Variants in PSEN1 observed in about 807,000 individuals in gnomAD.
PSEN1 encodes presenilin 1.
A neutral mutation model predicts 53.5 loss-of-function variants in PSEN1; 15 were observed. The observed-to-expected ratio is 0.28, with a 90% CI of 0.19 to 0.43. PSEN1 has a LOEUF of 0.43. Ranked by LOEUF, PSEN1 falls within the 20% of genes least tolerant of loss-of-function variation. The probability of loss-of-function intolerance (pLI) is 1.00; values close to 1 mark genes in which losing one functional copy is unlikely to be tolerated. For missense variants in PSEN1, 387 were observed against 571.2 expected (o/e 0.68, Z 3.29); for synonymous variants, 208 against 209.8 (o/e 0.99, Z 0.08).
intron 3 of PSEN1, among the ~76,000 whole-genome samples, chr14:73,158,438 G>T (rs1897432653): frequency 6.6e-6 from 1 of 152,010 alleles, no homozygotes; most frequent in Admixed American, 6.6e-5. Flanking sequence ...TGATTCTCCT[G>T]TCCCAGCCTC....
At chr14:73,185,090 C>T (rs1340828634) in intron 5 of PSEN1, among the ~76,000 whole-genome samples, 21 of 151,588 alleles carry the variant, frequency 1.4e-4, no homozygotes, top group Non-Finnish European at 2.4e-4. Flanking sequence ...GGTGGGATGG[C>T]GGCCGGGCGG....
chr14:73,143,262 C>T (rs929892887), intron 1 of PSEN1, among the ~76,000 whole-genome samples: 2 of 152,180 alleles, frequency 1.3e-5, no homozygotes, highest in African/African-American at 4.8e-5. Flanking sequence ...GCCTCTGCTT[C>T]CTACCGAGCC....
chr14:73,197,225 G>A lies in PSEN1; in HGVS notation c.770-806G>A, dbSNP rs1192270304. On this transcript the variant is annotated intron_variant, in intron 7 of 11. Transcript: ENST00000324501. ...TGGGATTGCAGGCGTGAGCCACTGC[G>A]CCCGGCCTATATGCTGAATTTTCAT... Among the ~76,000 whole-genome samples the A allele has an allele frequency of 7.9e-5, 12 of 152,096 alleles. No homozygotes were observed. The South Asian group carries it at 1.2e-3, about 16-fold the overall frequency.
chr14:73,182,887 C>G (rs1898265389), intron 5 of PSEN1, among the ~76,000 whole-genome samples: 1 of 151,418 alleles, frequency 6.6e-6, no homozygotes, highest in Non-Finnish European at 1.5e-5. Context: ...AAGAACATCT[C>G]CTTCTTCCTT....
At chr14:73,168,403 A>G (rs1032745979) in intron 3 of PSEN1, 1 of 152,158 alleles carries the variant, frequency 6.6e-6, no homozygotes, top group Non-Finnish European at 1.5e-5. Flanking sequence ...TGGGAGAACA[A>G]TATAAGCAGC....
At chr14:73,208,854 T>C (rs2140129698) in intron 9 of PSEN1, 1 of 455,094 alleles carries the variant, frequency 2.2e-6, no homozygotes, top group Admixed American at 2.4e-5. Flanking sequence ...GCCATCAACC[T>C]GCTGTCTATA....
chr14:73,194,715 T>C (rs1040929536), intron 7 of PSEN1, among the ~76,000 whole-genome samples: 2 of 151,896 alleles, frequency 1.3e-5, no homozygotes, highest in South Asian at 2.1e-4. Context: ...ACTACAGGCA[T>C]CTGCCACCAC....
chr14:73,203,329 C>T (rs995047244), intron 8 of PSEN1, among the ~76,000 whole-genome samples: 1 of 152,116 alleles, frequency 6.6e-6, no homozygotes, highest in Non-Finnish European at 1.5e-5. Context: ...CTCAGGTGAT[C>T]TACCCGCCTC....
Position 73,219,145 on chromosome 14 carries a change from T to C in PSEN1, c.1260T>C (p.Leu420=). ...CATCTTCTCCACAGGGTTTGTGCCT[T>C]ACATTATTACTCCTTGCCATTTTCA... The part of the protein sequence containing the change: ...CFVAILIGLC[L]TLLLLAIFKK... The change falls in exon 12 of 12, where the codon CTT becomes CTC. Residue 420 remains leucine, a synonymous_variant. Transcript: ENST00000324501. 6.2e-7 allele frequency: 1 copy of C among 1,614,090 alleles called. No homozygotes were observed. Among genetic ancestry groups the C allele is most frequent in the Non-Finnish European group, 8.5e-7 (1 of 1,179,934 alleles).
intron 3 of PSEN1, among the ~76,000 whole-genome samples, chr14:73,165,771 T>C (rs1431458510): frequency 1.5e-5 from 2 of 134,344 alleles, no homozygotes; most frequent in East Asian, 2.2e-4. Flanking sequence ...AAAAAGGTAG[T>C]GTGTGGCCGG....
chr14:73,182,537 G>A (rs1056436275), intron 5 of PSEN1, among the ~76,000 whole-genome samples: 1 of 151,818 alleles, frequency 6.6e-6, no homozygotes, highest in African/African-American at 2.4e-5. Context: ...GCTCCTAGAA[G>A]GTACAGTTAA....
rs941385557 is a variant in PSEN1, at chr14:73,171,817, C to T, written c.338+770C>T. On this transcript the variant is annotated intron_variant, in intron 4 of 11. Transcript: ENST00000324501. The stretch of plus-strand genomic sequence containing the variant: ...GAAGGCAAAGAATTGAACATACTGG[C>T]GTATTAATTCTTTGAAATTTAGAAC... 7.9e-5 allele frequency among the ~76,000 whole-genome samples: 12 copies of T among 152,210 alleles called. No homozygotes were observed. In the East Asian group the frequency reaches 1.3e-3, roughly 17 times the overall value.
At chr14:73,168,223 G>C (rs1297162978) in intron 3 of PSEN1, 1 of 152,142 alleles carries the variant, frequency 6.6e-6, no homozygotes, top group Non-Finnish European at 1.5e-5. Context: ...GGGCATGGTG[G>C]TGGGCACCAT....
At chr14:73,139,097 C>T (rs1043249432) in intron 1 of PSEN1, among the ~76,000 whole-genome samples, 1 of 150,004 alleles carries the variant, frequency 6.7e-6, no homozygotes, top group Admixed American at 6.7e-5. Context: ...TCCTGGCTCA[C>T]GCGGTGAAAC....
At chr14:73,170,373 G>C (rs184128355) in intron 3 of PSEN1, among the ~76,000 whole-genome samples, 1 of 152,166 alleles carries the variant, frequency 6.6e-6, no homozygotes, top group African/African-American at 2.4e-5. Context: ...TGGTCCAAAC[G>C]CCTCTGACAC....
At chr14:73,206,064 A>G (rs1899441397) in intron 8 of PSEN1, 2 of 330,698 alleles carry the variant, frequency 6.0e-6, no homozygotes, top group Admixed American at 4.5e-5. Context: ...AGAACATTCA[A>G]CTAGTCCAGC....
Position 73,192,774 on chromosome 14 carries a change from A to G in PSEN1, c.679A>G (p.Ile227Val), listed in dbSNP as rs199842082. ...GPLRLQQAYL[I>V]MISALMALVF... ...ACTTCGACTCCAGCAGGCATATCTC[A>G]TTATGATTAGTGCCCTCATGGCCCT... The change falls in exon 7 of 12, where the codon ATT becomes GTT. Residue 227 changes from isoleucine to valine, a missense_variant. By Grantham distance (29) the Ile-to-Val change is conservative (BLOSUM62 3). Around this residue, in one of 4 missense-constraint regions of PSEN1, gnomAD observed 169 missense variants for 299.7 expected, o/e 0.56. Coordinates refer to ENST00000324501, the MANE Select transcript of PSEN1 (RefSeq NM_000021.4). 119 of 1,538,396 alleles carry G rather than the reference A, an allele frequency of 7.7e-5. No individual in the cohort carries two copies. The highest frequency in any genetic ancestry group is 1.1e-4 in the Non-Finnish European group (118 of 1,114,214).
At chr14:73,147,044 C>CT (rs75227261) in intron 1 of PSEN1, among the ~76,000 whole-genome samples, 17,867 of 138,268 alleles carry the variant, frequency 0.13, 1,451 homozygotes, top group South Asian at 0.25. Flanking sequence ...GTCAGCCATT[C>CT]TTTTTTTTTT....
chr14:73,197,080 G>A (rs971759847), intron 7 of PSEN1, among the ~76,000 whole-genome samples: 12 of 151,820 alleles, frequency 7.9e-5, no homozygotes, highest in African/African-American at 1.9e-4. Flanking sequence ...CTACAGGCAC[G>A]CGCCACCACA....
Sources: allele counts gnomAD v4.1 joint callset (sites outside exome capture counted in the v4.1 genomes callset), GRCh38; gene constraint gnomAD v4.1.1; regional missense constraint gnomAD v4.1.1; transcripts MANE v1.5; gene names NCBI Gene and HGNC (gene_info 2026-07-23, HGNC 2026-07-21).